Variants in GSTCD observed in about 807,000 individuals in gnomAD.
The protein encoded by GSTCD is glutathione S-transferase C-terminal domain containing.
Under a neutral mutation model 68.3 loss-of-function variants are expected in GSTCD, and 44 were observed. That is an observed-to-expected ratio of 0.64 (90% CI 0.51 to 0.83). The LOEUF (loss-of-function observed/expected upper bound fraction) is 0.83, where lower values mean the gene tolerates loss of function less well. Ranked by LOEUF, GSTCD falls within the 40% of genes least tolerant of loss-of-function variation. GSTCD has a pLI of 0.00. For synonymous variants in GSTCD, 273 were observed against 255.2 expected, an observed-to-expected ratio of 1.07 and a Z score of -0.67; for missense variants, 739 against 735.9, an observed-to-expected ratio of 1.00 and a Z score of -0.05.
At chr4:105,780,642 T>C (rs1259398619) in intron 5 of GSTCD, among the ~76,000 whole-genome samples, 2 of 152,200 alleles carry the variant, frequency 1.3e-5, no homozygotes, top group Non-Finnish European at 2.9e-5. Context: ...TTAAATTAAC[T>C]TTTAGAGATT....
chr4:105,805,448 A>G (rs1722450525), intron 5 of GSTCD, among the ~76,000 whole-genome samples: 1 of 152,126 alleles, frequency 6.6e-6, no homozygotes, highest in Non-Finnish European at 1.5e-5. Flanking sequence ...TATATTTTTC[A>G]TTGAGAATTT....
intron 5 of GSTCD, among the ~76,000 whole-genome samples, chr4:105,758,066 CAATT>C (rs1452407173): frequency 6.6e-6 from 1 of 152,100 alleles, no homozygotes; most frequent in Non-Finnish European, 1.5e-5. Context: ...GCTTTTAAAA[CAATT>C]AATTTTAAGA....
chr4:105,823,342 T>G (rs1049106413), intron 7 of GSTCD, 67 bp downstream of exon 7: 1 of 1,415,590 alleles, frequency 7.1e-7, no homozygotes, highest in Non-Finnish European at 1.0e-6. Context: ...CCAAATTTGG[T>G]TTATCCCGCT....
At chr4:105,747,157 G>C (rs1326475547) in intron 5 of GSTCD, among the ~76,000 whole-genome samples, 1 of 152,238 alleles carries the variant, frequency 6.6e-6, no homozygotes, top group African/African-American at 2.4e-5. Flanking sequence ...TTGCCAGAAG[G>C]CAAGGGATGC....
At chr4:105,779,853 T>C (rs191275584) in intron 5 of GSTCD, among the ~76,000 whole-genome samples, 18 of 152,370 alleles carry the variant, frequency 1.2e-4, no homozygotes, top group Admixed American at 9.8e-4. Context: ...TTGGTTAGCT[T>C]TTTCAGACAT....
At chr4:105,805,387 T>C (rs1199704797) in intron 5 of GSTCD, among the ~76,000 whole-genome samples, 3 of 151,568 alleles carry the variant, frequency 2.0e-5, no homozygotes, top group South Asian at 4.1e-4. Flanking sequence ...GGATTCAGCT[T>C]CCCTTTTATT....
At chr4:105,744,653 C>T (rs970244706) in intron 5 of GSTCD, among the ~76,000 whole-genome samples, 1 of 152,134 alleles carries the variant, frequency 6.6e-6, no homozygotes, top group African/African-American at 2.4e-5. Flanking sequence ...CTTGGAAATG[C>T]CCCCAACCAT....
chr4:105,837,953 C>G (rs941086330), intron 10 of GSTCD, 64 bp downstream of exon 10: 1 of 631,956 alleles, frequency 1.6e-6, no homozygotes, highest in Non-Finnish European at 2.6e-6. Context: ...TTTTCCCTCT[C>G]ATATTTCTAG....
chr4:105,813,043 A>G (rs1722818190), intron 5 of GSTCD, among the ~76,000 whole-genome samples: 1 of 152,192 alleles, frequency 6.6e-6, no homozygotes, highest in South Asian at 2.1e-4. Context: ...AGGTGAGAGC[A>G]CACACCTTGA....
chr4:105,724,407 A>T (rs1028877320), intron 3 of GSTCD, among the ~76,000 whole-genome samples: 1 of 149,686 alleles, frequency 6.7e-6, no homozygotes, highest in Non-Finnish European at 1.5e-5. Flanking sequence ...GCTGCTTTAT[A>T]AAAAAAAAAT....
intron 3 of GSTCD, among the ~76,000 whole-genome samples, chr4:105,724,377 A>T (rs1732964469): frequency 1.3e-5 from 2 of 151,956 alleles, no homozygotes; most frequent in Admixed American, 1.3e-4. Context: ...ATTTGAAAAA[A>T]TAAAAGTCTT....
chr4:105,801,498 C>T (rs1413478797), intron 5 of GSTCD, among the ~76,000 whole-genome samples: 1 of 151,940 alleles, frequency 6.6e-6, no homozygotes, highest in Non-Finnish European at 1.5e-5. Flanking sequence ...TAGTTTTCTT[C>T]TTACAAGTTT....
At chr4:105,842,205 T>C in intron 11 of GSTCD, 71 bp downstream of exon 11, 1 of 1,224,242 alleles carries the variant, frequency 8.2e-7, no homozygotes, top group African/African-American at 1.5e-5. Flanking sequence ...GGACCAAGTC[T>C]ATATGGGAAA....
intron 5 of GSTCD, among the ~76,000 whole-genome samples, chr4:105,787,307 C>G (rs975691919): frequency 3.3e-5 from 5 of 152,208 alleles, no homozygotes; most frequent in African/African-American, 1.2e-4. Flanking sequence ...CTTTTCTAAG[C>G]AGTCTCCAGA....
chr4:105,802,351 A>G (rs1022700391), intron 5 of GSTCD, among the ~76,000 whole-genome samples: 4 of 152,066 alleles, frequency 2.6e-5, no homozygotes, highest in South Asian at 2.1e-4. Context: ...CCTCTTTTCT[A>G]TACTTGTGCA....
chr4:105,825,146 T>TTGTC (rs766583313), intron 7 of GSTCD, among the ~76,000 whole-genome samples: 16,782 of 151,800 alleles, frequency 0.11, 1,356 homozygotes, highest in African/African-American at 0.22. Flanking sequence ...GTTTGTTTGT[T>TTGTC]TGAGACAGAT....
chr4:105,793,948 T>C (rs552680240), intron 5 of GSTCD, among the ~76,000 whole-genome samples: 5 of 152,216 alleles, frequency 3.3e-5, no homozygotes, highest in Admixed American at 2.6e-4. Context: ...TTATCCCTAC[T>C]ATGAAATAAT....
intron 7 of GSTCD, among the ~76,000 whole-genome samples, chr4:105,824,594 T>C (rs11726674): frequency 0.054 from 8,203 of 152,276 alleles, 252 homozygotes; most frequent in Middle Eastern, 0.14. Context: ...TTTCATTTTT[T>C]TCCATTCAAA....
chr4:105,804,109 G>A (rs1447883647), intron 5 of GSTCD, among the ~76,000 whole-genome samples: 4 of 151,966 alleles, frequency 2.6e-5, no homozygotes, highest in Non-Finnish European at 5.9e-5. Context: ...TGGTTCTTAA[G>A]AGTATATTTT....
Sources: allele counts gnomAD v4.1 joint callset (sites outside exome capture counted in the v4.1 genomes callset), GRCh38; gene constraint gnomAD v4.1.1; transcripts MANE v1.5; gene names NCBI Gene and HGNC (gene_info 2026-07-23, HGNC 2026-07-21).